The following RAD51B variants were observed in gnomAD, a reference collection of about 807,000 sequenced individuals.
The protein encoded by RAD51B is RAD51 paralog B, also known as DNA repair protein RAD51 homolog 2.
A neutral mutation model predicts 42.2 loss-of-function variants in RAD51B; 38 were observed. The ratio of observed to expected loss-of-function variants is 0.90; its 90% CI spans 0.70 to 1.18. RAD51B has a LOEUF of 1.18. Ranked by LOEUF, RAD51B falls within the 50% of genes most tolerant of loss-of-function variation. The pLI, the probability that RAD51B is intolerant of heterozygous loss-of-function variation, is 0.00. For missense variants in RAD51B, 373 were observed against 400.7 expected, an observed-to-expected ratio of 0.93 and a Z score of 0.59; for synonymous variants, 154 against 145.2, an observed-to-expected ratio of 1.06 and a Z score of -0.43.
At chr14:68,161,867 A>G (rs1452489511) in intron 7 of RAD51B, among the ~76,000 whole-genome samples, 1 of 152,200 alleles carries the variant, frequency 6.6e-6, no homozygotes. Context: ...GTATTCTTCA[A>G]AAAGGAGGGA....
At chr14:67,881,468 G>A (rs1320967826) in intron 5 of RAD51B, among the ~76,000 whole-genome samples, 1 of 152,144 alleles carries the variant, frequency 6.6e-6, no homozygotes, top group Non-Finnish European at 1.5e-5. Flanking sequence ...GGCCCTCTCT[G>A]CAGATCTTTG....
chr14:68,374,838 G>GT (rs2083333384), intron 8 of RAD51B, among the ~76,000 whole-genome samples: 1 of 150,876 alleles, frequency 6.6e-6, no homozygotes, highest in South Asian at 2.1e-4. Flanking sequence ...AAAGAGCTCA[G>GT]TTTTACCTGC....
chr14:67,968,711 A>G (rs565464402), intron 7 of RAD51B, among the ~76,000 whole-genome samples: 5 of 152,312 alleles, frequency 3.3e-5, no homozygotes, highest in African/African-American at 9.6e-5. Flanking sequence ...AAAGCCATTC[A>G]ACAAGTCTCT....
chr14:68,569,209 A>G (rs964617845), intron 10 of RAD51B, among the ~76,000 whole-genome samples: 1 of 152,224 alleles, frequency 6.6e-6, no homozygotes, highest in East Asian at 1.9e-4. Context: ...CCCCGGAGGA[A>G]TGGGCCAGAG....
intron 7 of RAD51B, among the ~76,000 whole-genome samples, chr14:68,045,236 C>CAAAAAAAAA (rs537073885): frequency 1.0e-3 from 22 of 22,082 alleles, no homozygotes; most frequent in African/African-American, 1.1e-3. Flanking sequence ...AACTCTGTCT[C>CAAAAAAAAA]AAAAAAAAAA....
intron 7 of RAD51B, among the ~76,000 whole-genome samples, chr14:68,278,037 C>G (rs988099626): frequency 6.6e-6 from 1 of 152,232 alleles, no homozygotes; most frequent in Non-Finnish European, 1.5e-5. Flanking sequence ...GCCACTGCGA[C>G]CAGCCAGAGG....
At chr14:68,419,068 G>A (rs2084631257) in intron 9 of RAD51B, among the ~76,000 whole-genome samples, 1 of 152,204 alleles carries the variant, frequency 6.6e-6, no homozygotes, top group Non-Finnish European at 1.5e-5. Context: ...TGTATTCAGT[G>A]AGGGCAGTGC....
chr14:68,266,468 T>C (rs2080994206), intron 7 of RAD51B, among the ~76,000 whole-genome samples: 1 of 152,226 alleles, frequency 6.6e-6, no homozygotes, highest in Non-Finnish European at 1.5e-5. Context: ...TTAGGGAAGA[T>C]AGGTCAGAAA....
At chr14:67,994,699 T>G (rs2075352758) in intron 7 of RAD51B, among the ~76,000 whole-genome samples, 1 of 152,228 alleles carries the variant, frequency 6.6e-6, no homozygotes, top group South Asian at 2.1e-4. Context: ...TTTCTAGGAT[T>G]CTTTGGCAAA....
At chr14:68,321,119 A>C (rs2082149957) in intron 8 of RAD51B, among the ~76,000 whole-genome samples, 1 of 152,164 alleles carries the variant, frequency 6.6e-6, no homozygotes, top group African/African-American at 2.4e-5. Context: ...CACGATTTTT[A>C]AAATCAAGCC....
intron 8 of RAD51B, chr14:68,339,060 G>A (rs746056379): frequency 4.4e-6 from 3 of 674,370 alleles, no homozygotes; most frequent in Non-Finnish European, 8.2e-6. Context: ...ATCGTGTGCA[G>A]TCATCACCAG....
intron 7 of RAD51B, among the ~76,000 whole-genome samples, chr14:68,279,010 C>G: frequency 6.6e-6 from 1 of 152,008 alleles, no homozygotes; most frequent in East Asian, 1.9e-4. Flanking sequence ...TCCTGCTTCT[C>G]AGTACATTCC....
intron 11 of RAD51B, among the ~76,000 whole-genome samples, chr14:68,669,463 T>A (rs1481824717): frequency 1.3e-5 from 2 of 152,190 alleles, no homozygotes; most frequent in African/African-American, 2.4e-5. Flanking sequence ...GGGCAGGGAC[T>A]TTTGGATGAG....
intron 10 of RAD51B, among the ~76,000 whole-genome samples, chr14:68,538,040 G>T (rs1036554395): frequency 1.3e-5 from 2 of 152,132 alleles, no homozygotes; most frequent in African/African-American, 4.8e-5. Flanking sequence ...ACACACTTAG[G>T]TCTTGCTAGG....
chr14:68,286,637 T>A (rs950262784), intron 7 of RAD51B, among the ~76,000 whole-genome samples: 13 of 152,228 alleles, frequency 8.5e-5, no homozygotes, highest in Non-Finnish European at 1.5e-5. Context: ...ACAAAATGGC[T>A]ACTCATGGGG....
chr14:67,986,849 G>A (rs1013610531), intron 7 of RAD51B, among the ~76,000 whole-genome samples: 95 of 152,044 alleles, frequency 6.2e-4, no homozygotes, highest in Non-Finnish European at 2.2e-4. Flanking sequence ...CTCATGACTC[G>A]GCCTCCTGAG....
chr14:67,935,424 G>T (rs2044902191), intron 7 of RAD51B, among the ~76,000 whole-genome samples: 1 of 152,122 alleles, frequency 6.6e-6, no homozygotes, highest in Admixed American at 6.5e-5. Flanking sequence ...GAGTTCAATG[G>T]CTCGATTATA....
chr14:68,224,924 C>T (rs2080005876), intron 7 of RAD51B, among the ~76,000 whole-genome samples: 1 of 152,088 alleles, frequency 6.6e-6, no homozygotes. Context: ...AACTCCTGAT[C>T]TCGTGATCCA....
At chr14:68,143,100 G>A (rs1010894652) in intron 7 of RAD51B, among the ~76,000 whole-genome samples, 2 of 152,144 alleles carry the variant, frequency 1.3e-5, no homozygotes, top group African/African-American at 4.8e-5. Flanking sequence ...CTGGCTGGAT[G>A]GGGATGAGAG....
Sources: allele counts gnomAD v4.1 joint callset (sites outside exome capture counted in the v4.1 genomes callset), GRCh38; gene constraint gnomAD v4.1.1; transcripts MANE v1.5; gene names NCBI Gene and HGNC (gene_info 2026-07-23, HGNC 2026-07-21).